Variants in UAP1L1 observed in about 807,000 individuals in gnomAD.
UAP1L1 encodes the protein UDP-N-acetylhexosamine pyrophosphorylase-like protein 1.
Under a neutral mutation model 45.3 loss-of-function variants are expected in UAP1L1, and 45 were observed. The ratio of observed to expected loss-of-function variants is 0.99; its 90% CI spans 0.78 to 1.27. The LOEUF is 1.27. Among genes scored for constraint, UAP1L1 ranks in the 50% most tolerant of loss-of-function variants. The pLI is 0.00. For missense variants in UAP1L1, 667 were observed against 694.0 expected (o/e 0.96, Z 0.44); for synonymous variants, 323 against 303.9 (o/e 1.06, Z -0.65).
chr9:137,078,754 GT>G, intron 3 of UAP1L1, 77 bp downstream of exon 3: 1 of 1,494,710 alleles, frequency 6.7e-7, no homozygotes, highest in Non-Finnish European at 9.0e-7. Context: ...ACGCGCCCGG[GT>G]TCGCGGCTGC....
intron 6 of UAP1L1, chr9:137,080,401 G>T: frequency 1.7e-6 from 1 of 590,658 alleles, no homozygotes; most frequent in Middle Eastern, 4.5e-4. Flanking sequence ...CCCACCCATG[G>T]TTAGGAGAGG....
Position 137,084,121 on chromosome 9 carries a change from G to T in UAP1L1, c.*1392G>T, listed in dbSNP as rs1832832288. ...GCTGTGCCTTAGGGCCCTTCTCATA[G>T]CTGTTCCTCATGGCCATGACTGGAA... On this transcript the variant is annotated 3_prime_UTR_variant, in exon 9 of 9. Coordinates refer to ENST00000409858, the MANE Select transcript of UAP1L1 (RefSeq NM_207309.3). 1 of 152,280 alleles carries T rather than the reference G, an allele frequency of 6.6e-6. No homozygotes were observed. The highest frequency in any genetic ancestry group is 6.5e-5 in the Admixed American group (1 of 15,290). The allele number at this position is 152,280 out of a possible 1,614,324, so 9.4% of individuals were successfully genotyped here.
Position 137,077,654 on chromosome 9 carries a change from T to TG in UAP1L1, c.124dup (p.Glu42GlyfsTer114), listed in dbSNP as rs1832712306. On this transcript the variant is annotated frameshift_variant, in exon 1 of 9. Transcript: ENST00000409858. LOFTEE classifies it high-confidence loss of function. This position sits in a 1 kb window ranked among gnomAD's most constrained non-coding sequence, Gnocchi z 4.7. Reference sequence around the variant, plus strand: ...GCGCTGCTGGCGGAGCTGGCGCTGCTGGAGCCCGAGGCGCTGCGCGAGCAC... The same window carrying TG: ...GCGCTGCTGGCGGAGCTGGCGCTGCTGGGAGCCCGAGGCGCTGCGCGAGCAC... 1 of 1,281,216 alleles carries TG rather than the reference T, an allele frequency of 7.8e-7. No individual in the cohort carries two copies. Among genetic ancestry groups the TG allele is most frequent in the Admixed American group, 3.3e-5 (1 of 30,042 alleles). The allele number at this position is 1,281,216 out of a possible 1,614,324, so 79.4% of individuals were successfully genotyped here. A position where few individuals can be genotyped will look rare whatever the true frequency, so the allele number is the denominator to read the frequency against.
At chr9:137,079,542 CA>C in intron 5 of UAP1L1, 93 bp downstream of exon 5, 1 of 1,299,326 alleles carries the variant, frequency 7.7e-7, no homozygotes, top group Non-Finnish European at 1.1e-6. Flanking sequence ...TGCCCTGGGC[CA>C]CAGCGGCTGT....
chr9:137,080,743 C>T lies in UAP1L1; in HGVS notation c.1233C>T (p.Asn411=), dbSNP rs41302685. Residue 411 remains asparagine, a synonymous_variant, in exon 7 of 9, where the codon AAC becomes AAT. Transcript: ENST00000409858. ...AGGAGGAATTTTCCCCACTGAAGAA[C>T]GCAGAGCCAGCCGACAGGGACAGTC... The part of the protein sequence containing the change: ...LREEEFSPLK[N]AEPADRDSPR... 0.082 allele frequency: 131,557 copies of T among 1,612,710 alleles called. 5,776 individuals carry two copies. Among genetic ancestry groups the T allele is most frequent in the South Asian group, 0.14 (12,418 of 91,056 alleles).
chr9:137,077,985 G>C lies in UAP1L1; in HGVS notation c.290-65G>C, dbSNP rs1029168497. ...GTCCTGGCGCCCCAGCCCCAGAGTT[G>C]GTTTCCCCTAAAGCGGAAGGGTGGG... On this transcript the variant is annotated intron_variant, in intron 1 of 8. Coordinates refer to ENST00000409858, the MANE Select transcript of UAP1L1 (RefSeq NM_207309.3). This position sits in a 1 kb window ranked among gnomAD's most constrained non-coding sequence, Gnocchi z 4.7. 6.6e-5 allele frequency: 102 copies of C among 1,536,192 alleles called. No individual in the cohort carries two copies. The highest frequency in any genetic ancestry group is 8.6e-5 in the Non-Finnish European group (99 of 1,146,392).
Position 137,080,824 on chromosome 9 carries a change from CG to C in UAP1L1, c.1318del (p.Ala440ProfsTer40). ...TQHYRWALRA[G>X]ARFLDAHGAW... is the part of the protein sequence containing the mutation. ...AGCACTACCGGTGGGCTCTGCGGGC[CG>C]GGGCCCGCTTCCTGGATGCCCATGG... On this transcript the variant is annotated frameshift_variant, in exon 7 of 9. Coordinates refer to ENST00000409858, the MANE Select transcript of UAP1L1 (RefSeq NM_207309.3). LOFTEE classifies it high-confidence loss of function. 1.2e-6 allele frequency: 2 copies of C among 1,609,592 alleles called. No individual in the cohort carries two copies. Among genetic ancestry groups the C allele is most frequent in the South Asian group, 2.2e-5 (2 of 91,008 alleles).
In UAP1L1 at chr9:137,082,800, C is replaced by G. The variant is rs1001198016; in HGVS notation, c.*71C>G. 13 of 1,298,070 alleles carry G rather than the reference C, an allele frequency of 1.0e-5. No individual in the cohort carries two copies. Among genetic ancestry groups the G allele is most frequent in the Admixed American group, 6.1e-5 (3 of 49,146 alleles). 80.4% of individuals were successfully genotyped at this position (1,298,070 alleles called of 1,614,324 possible). A position where few individuals can be genotyped will look rare whatever the true frequency, so the allele number is the denominator to read the frequency against. ...GCATCCTGGAAGTCCCGACTCCCCC[C>G]AGACCTGCCAGCCCCGGCGTCCTGG... On this transcript the variant is annotated 3_prime_UTR_variant, in exon 9 of 9. Transcript: ENST00000409858. The surrounding 1 kb of genome is among the most constrained non-coding windows in gnomAD (Gnocchi z 5.7).
At position 137,078,771 on chromosome 9, in the gene UAP1L1, G is replaced by A. The variant is rs1302752357; in HGVS notation, c.670+94G>A. ...GCGCCCGGGTTCGCGGCTGCCCCGA[G>A]GCTGTGTGGTCCTGGGTTAGGCGCC... On this transcript the variant is annotated intron_variant, in intron 3 of 8. Transcript: ENST00000409858. 8 of 1,444,436 alleles carry A rather than the reference G, an allele frequency of 5.5e-6. No homozygotes were observed. The Admixed American group carries it at 1.4e-4, about 26-fold the overall frequency. 89.5% of individuals were successfully genotyped at this position (1,444,436 alleles called of 1,614,324 possible).
rs146965332 is a variant in UAP1L1 at position 137,079,310 on chromosome 9, G to C, written c.898G>C (p.Gly300Arg). 1 of 1,612,980 alleles carries C rather than the reference G, an allele frequency of 6.2e-7. No homozygotes were observed. The highest frequency in any genetic ancestry group is 8.5e-7 in the Non-Finnish European group (1 of 1,179,694). ...CGTGGGCGTGGTGTGCCAGGTGGAC[G>C]GTGTCCCCCAGGTGGTGGAGTACAG... ...EPVGVVCQVD[G>R]VPQVVEYSEI... Residue 300 changes from glycine to arginine, a missense_variant, in exon 5 of 9, where the codon GGT becomes CGT. Physicochemically the swap from Gly to Arg is moderately radical, Grantham distance 125. Transcript: ENST00000409858.
Position 137,082,701 on chromosome 9 carries a change from C to T in UAP1L1, c.1496C>T (p.Ala499Val). 6.4e-7 allele frequency: 1 copy of T among 1,551,250 alleles called. No homozygotes were observed. The highest frequency in any genetic ancestry group is 8.7e-7 in the Non-Finnish European group (1 of 1,147,332). Residue 499 changes from alanine to valine, a missense_variant, in exon 9 of 9, where the codon GCC becomes GTC. By Grantham distance (64) the Ala-to-Val change is moderately conservative. Coordinates refer to ENST00000409858, the MANE Select transcript of UAP1L1 (RefSeq NM_207309.3). This position sits in a 1 kb window ranked among gnomAD's most constrained non-coding sequence, Gnocchi z 5.7. ...CCGCTCATCCTGGATGAAGACCAGG[C>T]CAGGGAGCCGCAGCTGCAGGAGTCC... is the stretch of plus-strand genomic sequence containing the variant. ...QSPLILDEDQAREPQLQES is the reference protein window; with the variant it reads ...QSPLILDEDQVREPQLQES
Position 137,078,623 on chromosome 9 carries a change from A to G in UAP1L1, c.616A>G (p.Thr206Ala). 6.2e-7 allele frequency: 1 copy of G among 1,613,064 alleles called. No homozygotes were observed. Among genetic ancestry groups the G allele is most frequent in the Non-Finnish European group, 8.5e-7 (1 of 1,179,974 alleles). Reference sequence around the variant, plus strand: ...TGAGCAGCGCCTGCTGCCTGCTGTGACCTTTGATGGCAAGGTTATCCTGGA... The same window carrying G: ...TGAGCAGCGCCTGCTGCCTGCTGTGGCCTTTGATGGCAAGGTTATCCTGGA... ...MFEQRLLPAV[T>A]FDGKVILERK... Residue 206 changes from threonine (T) to alanine (A), a missense_variant, in exon 3 of 9, where the codon ACC (threonine) becomes GCC (alanine). Transcript: ENST00000409858.
intron 7 of UAP1L1, 43 bp from the exon 8 acceptor site, chr9:137,081,955 G>A (rs1428478011): frequency 1.6e-5 from 25 of 1,602,198 alleles, no homozygotes; most frequent in Non-Finnish European, 2.1e-5. Context: ...GAGGGCTCTG[G>A]GCAGGTGCTG....
At position 137,077,663 on chromosome 9, in the gene UAP1L1, A is replaced by C; in HGVS notation, c.131A>C (p.Glu44Ala). 2.4e-6 allele frequency: 3 copies of C among 1,239,360 alleles called. No homozygotes were observed. Among genetic ancestry groups the C allele is most frequent in the Non-Finnish European group, 3.1e-6 (3 of 981,674 alleles). 76.8% of individuals were successfully genotyped at this position (1,239,360 alleles called of 1,614,324 possible). A position where few individuals can be genotyped will look rare whatever the true frequency, so the allele number is the denominator to read the frequency against. ...LLAELALLEP[E>A]ALREHCRRAA... is the part of the protein sequence containing the mutation. ...GCGGAGCTGGCGCTGCTGGAGCCCG[A>C]GGCGCTGCGCGAGCACTGCCGGCGG... The change falls in exon 1 of 9, where the codon GAG (glutamate) becomes GCG (alanine). Residue 44 changes from glutamate to alanine, a missense_variant. Transcript: ENST00000409858. This position sits in a 1 kb window ranked among gnomAD's most constrained non-coding sequence, Gnocchi z 4.7.
Position 137,082,924 on chromosome 9 carries a change from C to A in UAP1L1, c.*195C>A, listed in dbSNP as rs1832814794. 1 of 577,540 alleles carries A rather than the reference C, an allele frequency of 1.7e-6. No homozygotes were observed. The highest frequency in any genetic ancestry group is 3.1e-6 in the Non-Finnish European group (1 of 321,188). 35.8% of individuals were successfully genotyped at this position (577,540 alleles called of 1,614,324 possible). A position where few individuals can be genotyped will look rare whatever the true frequency, so the allele number is the denominator to read the frequency against. Reference sequence around the variant, plus strand: ...CAGAATGAAACATGCTGGTAGACTCCACGAGGGCAGGGCCTCTCCTGTCGC... The same window carrying A: ...CAGAATGAAACATGCTGGTAGACTCAACGAGGGCAGGGCCTCTCCTGTCGC... On this transcript the variant is annotated 3_prime_UTR_variant, in exon 9 of 9. Transcript: ENST00000409858. This position sits in a 1 kb window ranked among gnomAD's most constrained non-coding sequence, Gnocchi z 5.7.
At position 137,082,167 on chromosome 9, in the gene UAP1L1, G is replaced by T. The variant is rs546119850; in HGVS notation, c.1431+103G>T. 20 of 1,150,048 alleles carry T rather than the reference G, an allele frequency of 1.7e-5. No homozygotes were observed. In the Middle Eastern group the frequency reaches 2.5e-3, roughly 146 times the overall value. 71.2% of individuals were successfully genotyped at this position (1,150,048 alleles called of 1,614,324 possible). ...GGTGGAGACGGCACAGCTCTACCTC[G>T]GTTAACCAATGGGGTCGGTGGTTTA... On this transcript the variant is annotated intron_variant, in intron 8 of 8. Coordinates refer to ENST00000409858, the MANE Select transcript of UAP1L1 (RefSeq NM_207309.3). This position sits in a 1 kb window ranked among gnomAD's most constrained non-coding sequence, Gnocchi z 5.7.
At chr9:137,081,951 T>C (rs1314850409) in intron 7 of UAP1L1, 47 bp from the exon 8 acceptor site, 1 of 1,596,616 alleles carries the variant, frequency 6.3e-7, no homozygotes, top group Non-Finnish European at 8.6e-7. Context: ...GGGGGAGGGC[T>C]CTGGGCAGGT....
chr9:137,079,164 C>A lies in UAP1L1; in HGVS notation c.843+16C>A. 6.2e-7 allele frequency: 1 copy of A among 1,601,216 alleles called. No individual in the cohort carries two copies. Among genetic ancestry groups the A allele is most frequent in the Non-Finnish European group, 8.5e-7 (1 of 1,175,970 alleles). On this transcript the variant is annotated intron_variant, in intron 4 of 8. Coordinates refer to ENST00000409858, the MANE Select transcript of UAP1L1 (RefSeq NM_207309.3). ...TGGCGCCAAGGTTAGCGCCCGACTG[C>A]GCGGCGCCCCGCACCCGAGGCTGGC...
At chr9:137,078,791 G>T in intron 3 of UAP1L1, 114 bp downstream of exon 3, 1 of 1,348,332 alleles carries the variant, frequency 7.4e-7, no homozygotes, top group Non-Finnish European at 9.9e-7. Flanking sequence ...TCCTGGGTTA[G>T]GCGCCTCTTT....
Sources: gnomAD v4.1 joint callset for allele counts on GRCh38, gnomAD v4.1.1 for gene constraint, Gnocchi (gnomAD v3.1) non-coding constraint, MANE v1.5 for transcripts, NCBI Gene and HGNC (gene_info 2026-07-23, HGNC 2026-07-21) for gene names.